Variants in PACRG observed in about 807,000 individuals in gnomAD.
PACRG encodes parkin coregulated, also known as parkin coregulated gene protein.
PACRG carries 29 observed loss-of-function variants against 29.7 expected under a neutral mutation model. The observed-to-expected ratio is 0.98, with a 90% confidence interval of 0.73 to 1.33. The LOEUF (loss-of-function observed/expected upper bound fraction) is 1.33, where lower values mean the gene tolerates loss of function less well. PACRG is among the 40% of genes most tolerant of loss of function. The probability of loss-of-function intolerance (pLI) is 0.00; values close to 1 mark genes in which losing one functional copy is unlikely to be tolerated. For missense variants in PACRG, 279 were observed against 316.2 expected, an observed-to-expected ratio of 0.88 and a Z score of 0.89; for synonymous variants, 116 against 118.7, an observed-to-expected ratio of 0.98 and a Z score of 0.15.
At chr6:163,277,859 G>A (rs1380430790) in intron 4 of PACRG, among the ~76,000 whole-genome samples, 1 of 151,816 alleles carries the variant, frequency 6.6e-6, no homozygotes, top group Admixed American at 6.6e-5. Flanking sequence ...CCTAATAGTG[G>A]GATTTCTGGA....
intron 4 of PACRG, among the ~76,000 whole-genome samples, chr6:163,203,023 C>T (rs1780770225): frequency 6.6e-6 from 1 of 152,116 alleles, no homozygotes; most frequent in Admixed American, 6.5e-5. Context: ...GCCTGCTTGC[C>T]ACAGCTGCTA....
chr6:162,995,116 G>A (rs557248569), intron 2 of PACRG, among the ~76,000 whole-genome samples: 36 of 150,896 alleles, frequency 2.4e-4, no homozygotes, highest in Admixed American at 9.2e-4. Flanking sequence ...CTCCAGCTGC[G>A]TGCTGGGAGA....
At chr6:162,813,226 A>AT (rs1426129979) in intron 1 of PACRG, among the ~76,000 whole-genome samples, 1 of 151,952 alleles carries the variant, frequency 6.6e-6, no homozygotes, top group Non-Finnish European at 1.5e-5. Flanking sequence ...AGGTTATATT[A>AT]TTTTGTCTAT....
chr6:163,007,121 T>TATTAAGAA (rs1333964829), intron 2 of PACRG, among the ~76,000 whole-genome samples: 1 of 152,154 alleles, frequency 6.6e-6, no homozygotes, highest in East Asian at 1.9e-4. Context: ...TTGCAGCACA[T>TATTAAGAA]ATTTTTAACT....
At chr6:163,034,210 T>C (rs1021186278) in intron 2 of PACRG, among the ~76,000 whole-genome samples, 2 of 152,174 alleles carry the variant, frequency 1.3e-5, no homozygotes, top group Admixed American at 1.3e-4. Context: ...AGGGATCTTT[T>C]CCAGCAGTCT....
chr6:162,959,255 A>C (rs566405534), intron 2 of PACRG, among the ~76,000 whole-genome samples: 2 of 152,064 alleles, frequency 1.3e-5, no homozygotes, highest in Admixed American at 6.6e-5. Flanking sequence ...TTGGAAGACA[A>C]TAATTGTTAA....
At chr6:163,200,220 A>C (rs1020973265) in intron 4 of PACRG, among the ~76,000 whole-genome samples, 2 of 152,166 alleles carry the variant, frequency 1.3e-5, no homozygotes, top group Non-Finnish European at 2.9e-5. Flanking sequence ...AATACAGAAA[A>C]AAAGGCAACT....
intron 4 of PACRG, among the ~76,000 whole-genome samples, chr6:163,260,914 G>A (rs114600331): frequency 1.3e-5 from 2 of 152,196 alleles, no homozygotes; most frequent in African/African-American, 4.8e-5. Flanking sequence ...TAAGGTAGAT[G>A]CTATTCGAAT....
chr6:162,786,928 A>G (rs558706403), intron 1 of PACRG, among the ~76,000 whole-genome samples: 2 of 152,302 alleles, frequency 1.3e-5, no homozygotes, highest in Admixed American at 6.5e-5. Flanking sequence ...AAGTAAATCT[A>G]ATATAGCGCA....
chr6:162,997,511 A>G (rs962344406), intron 2 of PACRG: 12 of 435,082 alleles, frequency 2.8e-5, no homozygotes, highest in Non-Finnish European at 5.5e-5. Flanking sequence ...GAATAGCAGA[A>G]TAATGCTGGA....
Position 162,779,736 on chromosome 6 carries a change from A to G in PACRG, c.157-34411A>G, listed in dbSNP as rs372545021. On this transcript the variant is annotated intron_variant, in intron 1 of 4. Transcript: ENST00000366888. ...CATGTCAATTCAATAATGAATACGA[A>G]TGTGACCTCGAAATAGTATGTAGTC... Among the ~76,000 whole-genome samples the G allele has an allele frequency of 4.6e-5, 7 of 152,334 alleles. No homozygotes were observed. The East Asian group carries it at 7.7e-4, about 17-fold the overall frequency.
intron 3 of PACRG, among the ~76,000 whole-genome samples, chr6:163,071,210 C>T (rs941466842): frequency 3.1e-4 from 47 of 152,092 alleles, no homozygotes; most frequent in Non-Finnish European, 5.3e-4. Flanking sequence ...TGGATATTTA[C>T]AGAACATTTC....
chr6:163,129,175 G>GA (rs910365456), intron 4 of PACRG, among the ~76,000 whole-genome samples: 20 of 152,188 alleles, frequency 1.3e-4, no homozygotes, highest in African/African-American at 4.6e-4. Flanking sequence ...CCTTAAATGA[G>GA]AATGGGGGGG....
intron 4 of PACRG, among the ~76,000 whole-genome samples, chr6:163,235,887 C>G (rs1345865064): frequency 1.3e-5 from 2 of 151,748 alleles, no homozygotes; most frequent in Non-Finnish European, 2.9e-5. Context: ...AAGAGAGAGG[C>G]TTTGGTTTGG....
At chr6:162,750,776 A>G (rs938031479) in intron 1 of PACRG, among the ~76,000 whole-genome samples, 1 of 152,220 alleles carries the variant, frequency 6.6e-6, no homozygotes, top group Non-Finnish European at 1.5e-5. Context: ...GCTCAGCAAT[A>G]TGGAAGTCAC....
chr6:162,731,594 T>C (rs1291330781), intron 1 of PACRG, among the ~76,000 whole-genome samples: 5 of 152,148 alleles, frequency 3.3e-5, no homozygotes, highest in Non-Finnish European at 7.4e-5. Context: ...CAGGAGGTCC[T>C]GGAAACAATT....
chr6:162,734,227 A>G (rs1779988260), intron 1 of PACRG, among the ~76,000 whole-genome samples: 1 of 152,130 alleles, frequency 6.6e-6, no homozygotes, highest in Non-Finnish European at 1.5e-5. Context: ...ACACATGTTC[A>G]TTGAAAAAAG....
intron 4 of PACRG, among the ~76,000 whole-genome samples, chr6:163,272,892 C>CT (rs200076248): frequency 0.019 from 2,105 of 109,460 alleles, 172 homozygotes; most frequent in Admixed American, 0.067. Context: ...ATGCATCATT[C>CT]TTTTTTTTTT....
intron 2 of PACRG, among the ~76,000 whole-genome samples, chr6:162,858,476 C>T (rs554398244): frequency 6.6e-6 from 1 of 152,252 alleles, no homozygotes; most frequent in East Asian, 1.9e-4. Flanking sequence ...CCAAACCAAT[C>T]ACTATATTAT....
Sources: gnomAD v4.1 joint callset for allele counts (sites outside exome capture counted in the v4.1 genomes callset) on GRCh38, gnomAD v4.1.1 for gene constraint, MANE v1.5 for transcripts, NCBI Gene and HGNC (gene_info 2026-07-23, HGNC 2026-07-21) for gene names.